PDCD1LG2: variants seen among roughly 807,000 people sequenced by gnomAD.
PDCD1LG2 encodes the protein B7 dendritic cell molecule.
In PDCD1LG2, 32 loss-of-function variants were observed where a neutral mutation model predicts 28.2. That is an observed-to-expected ratio of 1.13 (90% CI 0.86 to 1.52). The LOEUF is 1.52. Ranked by LOEUF, PDCD1LG2 falls within the 40% of genes most tolerant of loss-of-function variation. The pLI is 0.00. For missense variants in PDCD1LG2, 385 were observed against 323.8 expected, an observed-to-expected ratio of 1.19 and a Z score of -1.45; for synonymous variants, 116 against 120.2, an observed-to-expected ratio of 0.97 and a Z score of 0.23.
chr9:5,520,800 G>A (rs574291508), intron 1 of PDCD1LG2, among the ~76,000 whole-genome samples: 3 of 152,280 alleles, frequency 2.0e-5, no homozygotes, highest in Admixed American at 6.5e-5. Flanking sequence ...TTGATAAATA[G>A]TTTGGCAATT....
At position 5,534,904 on chromosome 9, in the gene PDCD1LG2, G is replaced by C. The variant is rs1250545703; in HGVS notation, c.215G>C (p.Arg72Thr). 2 of 1,614,160 alleles carry C rather than the reference G, an allele frequency of 1.2e-6. No homozygotes were observed. Among genetic ancestry groups the C allele is most frequent in the South Asian group, 2.2e-5 (2 of 91,078 alleles). Residue 72 changes from arginine (R) to threonine (T), a missense_variant, in exon 3 of 7, where the codon AGA becomes ACA. Coordinates refer to ENST00000397747, the MANE Select transcript of PDCD1LG2 (RefSeq NM_025239.4). ...VENDTSPHRE[R>T]ATLLEEQLPL... ...AATGATACATCCCCACACCGTGAAA[G>C]AGCCACTTTGCTGGAGGAGCAGCTG...
intron 3 of PDCD1LG2, among the ~76,000 whole-genome samples, chr9:5,548,499 C>T (rs1225803806): frequency 6.6e-6 from 1 of 152,134 alleles, no homozygotes; most frequent in Non-Finnish European, 1.5e-5. Context: ...AAATTCAATT[C>T]CTTTGGATAT....
At chr9:5,542,752 C>T (rs998514237) in intron 3 of PDCD1LG2, among the ~76,000 whole-genome samples, 1 of 152,140 alleles carries the variant, frequency 6.6e-6, no homozygotes, top group Non-Finnish European at 1.5e-5. Context: ...AGTACAACCA[C>T]TATGGAAAAC....
At position 5,569,923 on chromosome 9, in the gene PDCD1LG2, A is replaced by G; in HGVS notation, c.817-31A>G. On this transcript the variant is annotated intron_variant, in intron 6 of 6. Coordinates refer to ENST00000397747, the MANE Select transcript of PDCD1LG2 (RefSeq NM_025239.4). This position sits in a 1 kb window ranked among gnomAD's most constrained non-coding sequence, Gnocchi z 4.1. ...ATATATTTTCTAATCATAAAAAATG[A>G]TTTTTCTTATTTGTGGGCTTTTCTC... The G allele has an allele frequency of 6.2e-7, 1 of 1,611,504 alleles. No homozygotes were observed. The highest frequency in any genetic ancestry group is 8.5e-7 in the Non-Finnish European group (1 of 1,178,282).
At position 5,570,233 on chromosome 9, in the gene PDCD1LG2, C is replaced by A. The variant is rs551424064; in HGVS notation, c.*274C>A. 8.6e-5 allele frequency: 33 copies of A among 382,894 alleles called. No homozygotes were observed. The highest frequency in any genetic ancestry group is 6.3e-4 in the African/African-American group (31 of 49,046). 23.7% of individuals were successfully genotyped at this position (382,894 alleles called of 1,614,324 possible). A position where few individuals can be genotyped will look rare whatever the true frequency, so the allele number is the denominator to read the frequency against. On this transcript the variant is annotated 3_prime_UTR_variant, in exon 7 of 7. Coordinates refer to ENST00000397747, the MANE Select transcript of PDCD1LG2 (RefSeq NM_025239.4). ...ATTACCCCACTGGATCCTGGACCCA[C>A]AGAATTCCTTCAGGATCCTTCTTGC...
At chr9:5,539,598 C>T (rs1820650716) in intron 3 of PDCD1LG2, among the ~76,000 whole-genome samples, 1 of 152,188 alleles carries the variant, frequency 6.6e-6, no homozygotes, top group Non-Finnish European at 1.5e-5. Flanking sequence ...GTGGCACCTA[C>T]ATTTCTGGGG....
At chr9:5,541,169 A>G (rs1820679572) in intron 3 of PDCD1LG2, among the ~76,000 whole-genome samples, 1 of 152,214 alleles carries the variant, frequency 6.6e-6, no homozygotes, top group Non-Finnish European at 1.5e-5. Flanking sequence ...AACATCCTTT[A>G]TGATTAAAAC....
At chr9:5,526,446 A>G (rs1201129897) in intron 2 of PDCD1LG2, among the ~76,000 whole-genome samples, 1 of 152,076 alleles carries the variant, frequency 6.6e-6, no homozygotes, top group African/African-American at 2.4e-5. Context: ...AATTAAAACA[A>G]AACTTTTTAG....
At chr9:5,514,776 A>G (rs1279873867) in intron 1 of PDCD1LG2, among the ~76,000 whole-genome samples, 2 of 132,154 alleles carry the variant, frequency 1.5e-5, no homozygotes, top group African/African-American at 2.7e-5. Context: ...TCTAAAGAAA[A>G]AAAAAAAAAA....
chr9:5,568,258 C>G (rs1816705010), intron 6 of PDCD1LG2, among the ~76,000 whole-genome samples: 1 of 152,200 alleles, frequency 6.6e-6, no homozygotes, highest in Non-Finnish European at 1.5e-5. Context: ...GGGCCGCAGA[C>G]CGGTACCAGT....
At chr9:5,532,342 G>A (rs143964342) in intron 2 of PDCD1LG2, among the ~76,000 whole-genome samples, 13 of 152,198 alleles carry the variant, frequency 8.5e-5, no homozygotes, top group East Asian at 3.9e-4. Flanking sequence ...CAAAAATGTC[G>A]GTCATTTGAA....
intron 1 of PDCD1LG2, among the ~76,000 whole-genome samples, chr9:5,513,543 T>C (rs1003545605): frequency 2.6e-5 from 4 of 152,260 alleles, no homozygotes; most frequent in African/African-American, 9.6e-5. Context: ...TAAATTATTC[T>C]ATGAATTCTC....
chr9:5,556,128 A>G (rs758294072), intron 4 of PDCD1LG2, among the ~76,000 whole-genome samples: 17 of 152,126 alleles, frequency 1.1e-4, no homozygotes, highest in Non-Finnish European at 2.2e-4. Flanking sequence ...CTGATTTCCT[A>G]CTGGATGTTC....
At chr9:5,540,501 C>A (rs1449247354) in intron 3 of PDCD1LG2, among the ~76,000 whole-genome samples, 1 of 151,734 alleles carries the variant, frequency 6.6e-6, no homozygotes, top group East Asian at 1.9e-4. Flanking sequence ...AGAGAAGATC[C>A]AAATAATCTC....
chr9:5,568,992 AG>A (rs1441267153), intron 6 of PDCD1LG2, among the ~76,000 whole-genome samples: 2 of 152,336 alleles, frequency 1.3e-5, no homozygotes, highest in East Asian at 3.9e-4. Flanking sequence ...AAACTCTTCT[AG>A]ATAGAGGAGA....
chr9:5,517,489 G>A (rs553185222), intron 1 of PDCD1LG2, among the ~76,000 whole-genome samples: 3 of 152,350 alleles, frequency 2.0e-5, no homozygotes, highest in Non-Finnish European at 2.9e-5. Context: ...GTCCTTTAAA[G>A]CATGGGGTCC....
At chr9:5,544,324 G>A (rs1307742745) in intron 3 of PDCD1LG2, among the ~76,000 whole-genome samples, 2 of 152,212 alleles carry the variant, frequency 1.3e-5, no homozygotes, top group African/African-American at 2.4e-5. Context: ...CAGGGTTAAT[G>A]GAGCCCAGGG....
intron 5 of PDCD1LG2, among the ~76,000 whole-genome samples, chr9:5,560,288 C>T (rs1387212693): frequency 6.6e-6 from 1 of 152,200 alleles, no homozygotes; most frequent in Admixed American, 6.5e-5. Context: ...TACTTCTCCA[C>T]CTCCCACAAA....
chr9:5,515,660 C>T (rs908319673), intron 1 of PDCD1LG2, among the ~76,000 whole-genome samples: 1 of 152,122 alleles, frequency 6.6e-6, no homozygotes, highest in African/African-American at 2.4e-5. Flanking sequence ...CACAGTGGCT[C>T]ACGCCTGTAA....
Sources: allele counts gnomAD v4.1 joint callset (sites outside exome capture counted in the v4.1 genomes callset), GRCh38; gene constraint gnomAD v4.1.1; non-coding constraint Gnocchi (gnomAD v3.1); transcripts MANE v1.5; gene names NCBI Gene and HGNC (gene_info 2026-07-23, HGNC 2026-07-21).